The following GOLGA2 variants were observed in gnomAD, a reference collection of about 807,000 sequenced individuals.
The protein encoded by GOLGA2 is golgin subfamily A member 2.
Under a neutral mutation model 148.8 loss-of-function variants are expected in GOLGA2, and 49 were observed. The observed-to-expected ratio is 0.33, with a 90% CI of 0.26 to 0.42. The LOEUF (loss-of-function observed/expected upper bound fraction) is 0.42, where lower values mean the gene tolerates loss of function less well. Among genes scored for constraint, GOLGA2 ranks in the 10% least tolerant of loss-of-function variants. The pLI is 1.00. For synonymous variants in GOLGA2, 501 were observed against 511.8 expected, an observed-to-expected ratio of 0.98 and a Z score of 0.28; for missense variants, 1,178 against 1,304.6, an observed-to-expected ratio of 0.90 and a Z score of 1.49.
At chr9:128,273,664 T>C (rs969077172) in intron 2 of GOLGA2, 186 bp downstream of exon 2, 12 of 649,444 alleles carry the variant, frequency 1.8e-5, no homozygotes, top group African/African-American at 9.1e-5. Flanking sequence ...TACTTTATAG[T>C]TGTGAAAAGA....
In GOLGA2 at chr9:128,258,771, A is replaced by G. The variant is rs956305221; in HGVS notation, c.2174-201T>C. 1.6e-6 allele frequency: 1 copy of G among 615,786 alleles called. No homozygotes were observed. Among genetic ancestry groups the G allele is most frequent in the South Asian group, 2.0e-5 (1 of 50,320 alleles). 38.1% of individuals were successfully genotyped at this position (615,786 alleles called of 1,614,324 possible). A position where few individuals can be genotyped will look rare whatever the true frequency, so the allele number is the denominator to read the frequency against. ...AGGTGCAGTCCCACTACCGATCAGCATGGGAGTTCTGACCTGCTTCATTTC... is the reference window on the plus strand; with the variant it reads ...AGGTGCAGTCCCACTACCGATCAGCGTGGGAGTTCTGACCTGCTTCATTTC... On this transcript the variant is annotated intron_variant, in intron 21 of 26. Transcript: ENST00000611957. The surrounding 1 kb of genome is among the most constrained non-coding windows in gnomAD (Gnocchi z 6.6).
intron 1 of GOLGA2, chr9:128,275,458 C>T: frequency 7.7e-7 from 1 of 1,298,986 alleles, no homozygotes; most frequent in Non-Finnish European, 9.8e-7. Flanking sequence ...AGACCCGAGA[C>T]CAAAGAACCC....
Position 128,258,301 on chromosome 9 carries a change from T to C in GOLGA2, c.2290-103A>G. On this transcript the variant is annotated intron_variant, in intron 22 of 26. Transcript: ENST00000611957. This position sits in a 1 kb window ranked among gnomAD's most constrained non-coding sequence, Gnocchi z 6.6. ...CTTGGGGCCTCAGAGGGTGCACTTG[T>C]TGGTCCCAAGTGAAATGGTGTCTCA... 1 of 1,141,724 alleles carries C rather than the reference T, an allele frequency of 8.8e-7. No homozygotes were observed. Among genetic ancestry groups the C allele is most frequent in the Non-Finnish European group, 1.3e-6 (1 of 781,196 alleles). The allele number at this position is 1,141,724 out of a possible 1,614,324, so 70.7% of individuals were successfully genotyped here.
At position 128,266,345 on chromosome 9, in the gene GOLGA2, G is replaced by C. The variant is rs768076187; in HGVS notation, c.643-20C>G. On this transcript the variant is annotated intron_variant, in intron 8 of 26. Transcript: ENST00000611957. The surrounding 1 kb of genome is among the most constrained non-coding windows in gnomAD (Gnocchi z 4.2). ...TTGTTTCTGTGGGGAAGAGTCAAAG[G>C]AAGGTGACTGAGGGTGGCCCCCTCA... 3 of 1,608,918 alleles carry C rather than the reference G, an allele frequency of 1.9e-6. No homozygotes were observed. The African/African-American group carries it at 4.0e-5, about 21-fold the overall frequency.
chr9:128,257,347 C>A lies in GOLGA2; in HGVS notation c.2875+22G>T. 1 of 1,613,116 alleles carries A rather than the reference C, an allele frequency of 6.2e-7. No homozygotes were observed. The highest frequency in any genetic ancestry group is 8.5e-7 in the Non-Finnish European group (1 of 1,179,948). On this transcript the variant is annotated intron_variant, in intron 26 of 26. Transcript: ENST00000611957. This position sits in a 1 kb window ranked among gnomAD's most constrained non-coding sequence, Gnocchi z 8.0. ...CCCTCCCTTACTCCTGCCTGCCCAC[C>A]CCTCCCGAGGGCTCTACTCACCACC...
rs1339573780 is a variant in GOLGA2 at position 128,266,959 on chromosome 9, G to A, written c.642+235C>T. The A allele has an allele frequency of 8.4e-6, 5 of 596,428 alleles. No homozygotes were observed. The highest frequency in any genetic ancestry group is 1.5e-5 in the Non-Finnish European group (5 of 332,014). 36.9% of individuals were successfully genotyped at this position (596,428 alleles called of 1,614,324 possible). On this transcript the variant is annotated intron_variant, in intron 8 of 26. Transcript: ENST00000611957. This position sits in a 1 kb window ranked among gnomAD's most constrained non-coding sequence, Gnocchi z 4.2. ...GAGGCAACAACCCCAGGGCGTGTGT[G>A]GCAAGGACTCGAGCAGGGGTGTCTA...
chr9:128,259,334 C>T lies in GOLGA2; in HGVS notation c.1930G>A (p.Gly644Arg), dbSNP rs149599897. The change falls in exon 20 of 27, where the codon GGA becomes AGA. Residue 644 changes from glycine (G) to arginine (R), a missense_variant. Around this residue, in one of 5 missense-constraint regions of GOLGA2, gnomAD observed 529 missense variants for 521.8 expected, o/e 1.01. Transcript: ENST00000611957. Reference sequence around the variant, plus strand: ...GCGGCCACATACTGCTGCAGGTGTCCCAGGTACTGGTCTCGCTGCTGCTGC... The same window carrying T: ...GCGGCCACATACTGCTGCAGGTGTCTCAGGTACTGGTCTCGCTGCTGCTGC... Reference protein sequence around the residue: ...SLQQQRDQYLGHLQQYVAAYQ... With the variant: ...SLQQQRDQYLRHLQQYVAAYQ... 3.2e-5 allele frequency: 51 copies of T among 1,609,020 alleles called. No homozygotes were observed. In the African/African-American group the frequency reaches 5.9e-4, roughly 19 times the overall value.
intron 12 of GOLGA2, among the ~76,000 whole-genome samples, chr9:128,263,618 C>T (rs1366961510): frequency 6.6e-6 from 1 of 152,018 alleles, no homozygotes; most frequent in Non-Finnish European, 1.5e-5. Flanking sequence ...CGAGGTTTCA[C>T]TGTGTTAGCA....
rs1830292245 is a variant in GOLGA2, at chr9:128,261,753, G to A, written c.1139C>T (p.Ser380Leu). 1.2e-6 allele frequency: 2 copies of A among 1,608,674 alleles called. No individual in the cohort carries two copies. The highest frequency in any genetic ancestry group is 1.7e-6 in the Non-Finnish European group (2 of 1,174,984). The change falls in exon 15 of 27, where the codon TCA becomes TTA. Residue 380 changes from serine (S) to leucine (L), a missense_variant. Around this residue, in one of 5 missense-constraint regions of GOLGA2, gnomAD observed 304 missense variants for 404.1 expected, o/e 0.75. Transcript: ENST00000611957. This position sits in a 1 kb window ranked among gnomAD's most constrained non-coding sequence, Gnocchi z 5.7. Reference sequence around the variant, plus strand: ...AGCATCAGGGGCTTCACACCGGCTTGAAAACTGGATGGTGAAGAGCGAGAA... The same window carrying A: ...AGCATCAGGGGCTTCACACCGGCTTAAAAACTGGATGGTGAAGAGCGAGAA... ...EMTELLLQQF[S>L]SRCEAPDANQ...
intron 12 of GOLGA2, among the ~76,000 whole-genome samples, chr9:128,263,783 C>T (rs998669299): frequency 1.5e-4 from 23 of 151,712 alleles, no homozygotes; most frequent in Non-Finnish European, 2.8e-4. Flanking sequence ...TGACTCCTGA[C>T]CTCAAGTGAT....
chr9:128,258,622 GC>G lies in GOLGA2; in HGVS notation c.2174-53del. On this transcript the variant is annotated intron_variant, in intron 21 of 26. Coordinates refer to ENST00000611957, the MANE Select transcript of GOLGA2 (RefSeq NM_001366244.2). This position sits in a 1 kb window ranked among gnomAD's most constrained non-coding sequence, Gnocchi z 6.6. ...AGACAACCCAACAAGGGTACAGTGG[GC>G]CCACCTCTGCCCCCACCCTCACTGT... 7.7e-7 allele frequency: 1 copy of G among 1,303,388 alleles called. No homozygotes were observed. Among genetic ancestry groups the G allele is most frequent in the Non-Finnish European group, 1.1e-6 (1 of 932,032 alleles). 80.7% of individuals were successfully genotyped at this position (1,303,388 alleles called of 1,614,324 possible). A position where few individuals can be genotyped will look rare whatever the true frequency, so the allele number is the denominator to read the frequency against.
chr9:128,268,311 G>A (rs1281232950), intron 4 of GOLGA2, 109 bp downstream of exon 4: 46 of 1,024,892 alleles, frequency 4.5e-5, no homozygotes, highest in African/African-American at 1.3e-4. Context: ...CCCCCGGCCC[G>A]GTCCCCAGGA....
At chr9:128,268,963 C>T (rs1830770538) in intron 3 of GOLGA2, among the ~76,000 whole-genome samples, 2 of 152,192 alleles carry the variant, frequency 1.3e-5, no homozygotes, top group Admixed American at 6.5e-5. Flanking sequence ...CTGGGCAATG[C>T]ACAATGTAGC....
chr9:128,275,404 C>T (rs1002215928), intron 1 of GOLGA2: 7 of 1,287,626 alleles, frequency 5.4e-6, no homozygotes, highest in African/African-American at 4.6e-5. Flanking sequence ...GTCGCCGCTC[C>T]GCGATGGGGG....
intron 1 of GOLGA2, among the ~76,000 whole-genome samples, chr9:128,274,936 A>G (rs566631842): frequency 2.0e-5 from 3 of 152,342 alleles, no homozygotes; most frequent in African/African-American, 7.2e-5. Flanking sequence ...TCCACAGAAG[A>G]TAAGCAGATC....
Position 128,258,300 on chromosome 9 carries a change from G to T in GOLGA2, c.2290-102C>A. ...CCTTGGGGCCTCAGAGGGTGCACTTGTTGGTCCCAAGTGAAATGGTGTCTC... is the reference window on the plus strand; with the variant it reads ...CCTTGGGGCCTCAGAGGGTGCACTTTTTGGTCCCAAGTGAAATGGTGTCTC... On this transcript the variant is annotated intron_variant, in intron 22 of 26. Transcript: ENST00000611957. This position sits in a 1 kb window ranked among gnomAD's most constrained non-coding sequence, Gnocchi z 6.6. 8.7e-7 allele frequency: 1 copy of T among 1,144,942 alleles called. No individual in the cohort carries two copies. Among genetic ancestry groups the T allele is most frequent in the Non-Finnish European group, 1.3e-6 (1 of 784,230 alleles). The allele number at this position is 1,144,942 out of a possible 1,614,324, so 70.9% of individuals were successfully genotyped here. A position where few individuals can be genotyped will look rare whatever the true frequency, so the allele number is the denominator to read the frequency against.
At position 128,268,808 on chromosome 9, in the gene GOLGA2, C is replaced by G. The variant is rs77587170; in HGVS notation, c.289-284G>C. Among the ~76,000 whole-genome samples the G allele has an allele frequency of 5.6e-4, 85 of 152,336 alleles. No individual in the cohort carries two copies. The East Asian group carries it at 0.016, about 28-fold the overall frequency. On this transcript the variant is annotated intron_variant, in intron 3 of 26. Transcript: ENST00000611957. ...GCAAAAGACAGCAGCAGGCTCTGAC[C>G]TGTGGCAGCCACAGCAGGCAGGAGG... is the stretch of plus-strand genomic sequence containing the variant.
At chr9:128,270,287 A>G (rs1830858741) in intron 3 of GOLGA2, among the ~76,000 whole-genome samples, 1 of 151,952 alleles carries the variant, frequency 6.6e-6, no homozygotes, top group African/African-American at 2.4e-5. Context: ...GCACGCTACC[A>G]CGCCCAGCTA....
In GOLGA2 at chr9:128,257,346, C is replaced by T. The variant is rs764508288; in HGVS notation, c.2875+23G>A. ...GCCCTCCCTTACTCCTGCCTGCCCA[C>T]CCCTCCCGAGGGCTCTACTCACCAC... On this transcript the variant is annotated intron_variant, in intron 26 of 26. Coordinates refer to ENST00000611957, the MANE Select transcript of GOLGA2 (RefSeq NM_001366244.2). This position sits in a 1 kb window ranked among gnomAD's most constrained non-coding sequence, Gnocchi z 8.0. 6.2e-6 allele frequency: 10 copies of T among 1,613,018 alleles called. No homozygotes were observed. The highest frequency in any genetic ancestry group is 8.5e-6 in the Non-Finnish European group (10 of 1,179,898).
Sources: gnomAD v4.1 joint callset for allele counts (sites outside exome capture counted in the v4.1 genomes callset) on GRCh38, gnomAD v4.1.1 for gene constraint, gnomAD v4.1.1 regional missense constraint, Gnocchi (gnomAD v3.1) non-coding constraint, MANE v1.5 for transcripts, NCBI Gene and HGNC (gene_info 2026-07-23, HGNC 2026-07-21) for gene names.